The following TTC29 variants were observed in gnomAD, a reference collection of about 807,000 sequenced individuals.
TTC29 encodes tetratricopeptide repeat protein 29.
A neutral mutation model predicts 58.1 loss-of-function variants in TTC29; 49 were observed. That is an observed-to-expected ratio of 0.84 (90% CI 0.67 to 1.07). TTC29 has a LOEUF of 1.07. Among genes scored for constraint, TTC29 ranks in the 50% least tolerant of loss-of-function variants. The pLI is 0.00. For missense variants in TTC29, 582 were observed against 555.6 expected (o/e 1.05, Z -0.48); for synonymous variants, 209 against 196.8 (o/e 1.06, Z -0.52).
chr4:146,761,561 G>A (rs551221392), intron 11 of TTC29, among the ~76,000 whole-genome samples: 6 of 151,882 alleles, frequency 4.0e-5, no homozygotes, highest in Middle Eastern at 6.8e-3. Context: ...GCTAAGTGTG[G>A]GTGAATAATA....
chr4:146,756,132 G>A (rs1746431119), intron 11 of TTC29, among the ~76,000 whole-genome samples: 1 of 152,058 alleles, frequency 6.6e-6, no homozygotes, highest in South Asian at 2.1e-4. Flanking sequence ...AAATTAGCCA[G>A]GCGTAGTGGC....
chr4:146,830,573 T>G (rs1728091638), intron 9 of TTC29, among the ~76,000 whole-genome samples: 1 of 152,212 alleles, frequency 6.6e-6, no homozygotes, highest in South Asian at 2.1e-4. Flanking sequence ...TTAGTGAAAC[T>G]TGTGCAATTG....
chr4:146,714,605 A>G (rs1447870627), intron 11 of TTC29, among the ~76,000 whole-genome samples: 1 of 151,992 alleles, frequency 6.6e-6, no homozygotes, highest in Non-Finnish European at 1.5e-5. Flanking sequence ...GAAAAAGAAA[A>G]AAAAAAACCT....
At chr4:146,906,637 T>G (rs1269629211) in intron 5 of TTC29, among the ~76,000 whole-genome samples, 1 of 152,228 alleles carries the variant, frequency 6.6e-6, no homozygotes, top group Non-Finnish European at 1.5e-5. Context: ...CCAATAAAGT[T>G]CATGTGTTGA....
chr4:146,887,452 G>A (rs1273858099), intron 6 of TTC29, among the ~76,000 whole-genome samples: 2 of 152,018 alleles, frequency 1.3e-5, no homozygotes, highest in Non-Finnish European at 2.9e-5. Flanking sequence ...GTGTTTATTT[G>A]TGTAGAGTAT....
At chr4:146,905,714 A>G (rs1733478811) in intron 5 of TTC29, among the ~76,000 whole-genome samples, 1 of 152,146 alleles carries the variant, frequency 6.6e-6, no homozygotes, top group African/African-American at 2.4e-5. Flanking sequence ...TATGCTCCTT[A>G]AAAAGAAGAT....
chr4:146,785,088 A>AGTGTGTGTGTCTCTGTGT (rs746077529), intron 11 of TTC29, among the ~76,000 whole-genome samples: 49 of 152,020 alleles, frequency 3.2e-4, no homozygotes, highest in African/African-American at 1.1e-3. Flanking sequence ...TTTGTGTAAG[A>AGTGTGTGTGTCTCTGTGT]GTGTGTGTGT....
chr4:146,802,380 G>A (rs1750292718), intron 11 of TTC29, among the ~76,000 whole-genome samples: 2 of 152,108 alleles, frequency 1.3e-5, no homozygotes, highest in Admixed American at 6.5e-5. Flanking sequence ...ATATTTTGGG[G>A]GTGTTTGAAC....
intron 8 of TTC29, among the ~76,000 whole-genome samples, chr4:146,866,916 G>A (rs1453997838): frequency 1.3e-5 from 2 of 152,070 alleles, no homozygotes; most frequent in African/African-American, 2.4e-5. Flanking sequence ...AGGAAAGATC[G>A]CTCTTGACAT....
intron 11 of TTC29, among the ~76,000 whole-genome samples, chr4:146,748,354 C>T (rs1745702676): frequency 6.6e-6 from 1 of 152,172 alleles, no homozygotes; most frequent in African/African-American, 2.4e-5. Context: ...GAGCCTGCAT[C>T]TCAAGTTCCA....
At chr4:146,916,855 C>T (rs1231040411) in intron 4 of TTC29, among the ~76,000 whole-genome samples, 1 of 151,436 alleles carries the variant, frequency 6.6e-6, no homozygotes, top group Non-Finnish European at 1.5e-5. Flanking sequence ...TCTATGAGAT[C>T]AGTTAACAAA....
intron 2 of TTC29, among the ~76,000 whole-genome samples, chr4:146,943,195 T>C (rs1736586723): frequency 3.2e-5 from 3 of 93,316 alleles, no homozygotes; most frequent in Admixed American, 2.6e-4. Flanking sequence ...TTTTTTTTTT[T>C]TTCAAAATTC....
chr4:146,732,476 G>A (rs948641875), intron 11 of TTC29, among the ~76,000 whole-genome samples: 3 of 152,136 alleles, frequency 2.0e-5, no homozygotes, highest in African/African-American at 4.8e-5. Context: ...ATGTTGGTAG[G>A]AGCCATTTAT....
At chr4:146,915,175 C>T (rs2150293811) in intron 4 of TTC29, among the ~76,000 whole-genome samples, 1 of 152,232 alleles carries the variant, frequency 6.6e-6, no homozygotes, top group Non-Finnish European at 1.5e-5. Flanking sequence ...AATTCACACC[C>T]AGCTCCCTCT....
chr4:146,856,688 A>C (rs1331530043), intron 8 of TTC29, among the ~76,000 whole-genome samples: 1 of 133,004 alleles, frequency 7.5e-6, no homozygotes, highest in Non-Finnish European at 1.6e-5. Flanking sequence ...ATTATTATTT[A>C]TTAATTAATT....
rs573156850 is a variant in TTC29 at position 146,904,407 on chromosome 4, CTTAA to C, written c.401-682_401-679del. On this transcript the variant is annotated intron_variant, in intron 5 of 12. Transcript: ENST00000325106. ...TACTGTCGTTTTTACTCAGAAAGTT[CTTAA>C]TTAAACTCTTGTAGGTTTTTTTTCC... 1.8e-4 allele frequency among the ~76,000 whole-genome samples: 28 copies of C among 151,872 alleles called. 1 individual carries two copies. The South Asian group carries it at 4.8e-3, about 26-fold the overall frequency.
intron 11 of TTC29, among the ~76,000 whole-genome samples, chr4:146,783,079 AT>A (rs1447984222): frequency 2.0e-5 from 3 of 151,776 alleles, no homozygotes. Context: ...TTTTTAACTT[AT>A]TTGTTTATTT....
chr4:146,937,962 C>T (rs1735996646), intron 3 of TTC29, among the ~76,000 whole-genome samples: 2 of 152,052 alleles, frequency 1.3e-5, no homozygotes, highest in South Asian at 4.1e-4. Context: ...GCTTACAAGA[C>T]CTTCTATTTT....
intron 5 of TTC29, among the ~76,000 whole-genome samples, chr4:146,904,121 A>C (rs1733357862): frequency 6.6e-6 from 1 of 152,206 alleles, no homozygotes; most frequent in African/African-American, 2.4e-5. Context: ...TAGAGATTCT[A>C]GAGATGGCAA....
Sources: allele counts gnomAD v4.1 joint callset (sites outside exome capture counted in the v4.1 genomes callset), GRCh38; gene constraint gnomAD v4.1.1; transcripts MANE v1.5; gene names NCBI Gene and HGNC (gene_info 2026-07-23, HGNC 2026-07-21).